The following OR52N4 variants were observed in gnomAD, a reference collection of about 807,000 sequenced individuals.
OR52N4 encodes the protein olfactory receptor family 52 subfamily N member 4.
In OR52N4, 15 loss-of-function variants were observed where a neutral mutation model predicts 15.0. That is an observed-to-expected ratio of 1.00 (90% CI 0.67 to 1.54). The LOEUF is 1.54. OR52N4 is among the 40% of genes most tolerant of loss of function. The pLI is 0.00. For missense variants in OR52N4, 421 were observed against 394.0 expected (o/e 1.07, Z -0.58); for synonymous variants, 143 against 143.7 (o/e 1.00, Z 0.03).
the OR52N4 span, chr11:5,737,050 C>A: frequency 2.7e-5 from 43 of 1,613,986 alleles, no homozygotes; most frequent in Non-Finnish European, 5.9e-6. Context: ...GTGATTATTG[C>A]TCCAAGAATG....
upstream of OR52N4, among the ~76,000 whole-genome samples, chr11:5,752,026 T>C (rs12364119): frequency 0.075 from 11,430 of 151,996 alleles, 600 homozygotes; most frequent in East Asian, 0.24. Flanking sequence ...ACCAAGGAGA[T>C]AGAGGTTTGC....
chr11:5,746,948 T>C, the OR52N4 span, among the ~76,000 whole-genome samples: 2 of 150,232 alleles, frequency 1.3e-5, no homozygotes, highest in South Asian at 2.1e-4. Flanking sequence ...AAATGTGAGA[T>C]AGGCTGGGCA....
At chr11:5,726,807 AG>A in the OR52N4 span, 2 of 154,518 alleles carry the variant, frequency 1.3e-5, no homozygotes, top group African/African-American at 4.8e-5. Context: ...TGCCTGGCAC[AG>A]ATGTTCTTCA....
chr11:5,739,039 T>C, the OR52N4 span, among the ~76,000 whole-genome samples: 8 of 127,470 alleles, frequency 6.3e-5, 1 homozygote, highest in Non-Finnish European at 1.2e-4. Flanking sequence ...AAAATGAAAA[T>C]AATATAATGT....
the OR52N4 span, chr11:5,736,782 A>G: frequency 1.2e-4 from 189 of 1,614,010 alleles, 1 homozygote; most frequent in East Asian, 3.9e-3. Flanking sequence ...ATCATCCCTA[A>G]GATCCTGGCC....
At chr11:5,754,377 C>A in intron 1 of OR52N4, 72 bp downstream of exon 1, 1 of 190,358 alleles carries the variant, frequency 5.3e-6, no homozygotes, top group Non-Finnish European at 1.1e-5. Flanking sequence ...GTAAGATATT[C>A]TAATAAAAAT....
At chr11:5,745,002 A>G in the OR52N4 span, among the ~76,000 whole-genome samples, 2 of 152,204 alleles carry the variant, frequency 1.3e-5, no homozygotes, top group African/African-American at 4.8e-5. Flanking sequence ...TCATCTCTTC[A>G]TGATAAAAAC....
At chr11:5,743,230 C>T in the OR52N4 span, among the ~76,000 whole-genome samples, 2 of 152,074 alleles carry the variant, frequency 1.3e-5, no homozygotes, top group African/African-American at 4.8e-5. Flanking sequence ...CAACCAGTTT[C>T]ACAAAACAAA....
the OR52N4 span, among the ~76,000 whole-genome samples, chr11:5,729,108 A>C: frequency 5.4e-4 from 63 of 117,658 alleles, 1 homozygote; most frequent in African/African-American, 2.0e-3. Context: ...TAATCCTTAA[A>C]TTGAGATTTT....
Position 5,755,866 on chromosome 11 carries a change from T to C in OR52N4, c.*160T>C, listed in dbSNP as rs12363545. 148,046 of 808,494 alleles carry C rather than the reference T, an allele frequency of 0.18. 13,916 individuals carry two copies. The highest frequency in any genetic ancestry group is 0.23 in the South Asian group (11,609 of 50,630). The allele number at this position is 808,494 out of a possible 1,614,324, so 50.1% of individuals were successfully genotyped here. A position where few individuals can be genotyped will look rare whatever the true frequency, so the allele number is the denominator to read the frequency against. On this transcript the variant is annotated 3_prime_UTR_variant, in exon 2 of 2. Coordinates refer to ENST00000641350, the MANE Select transcript of OR52N4 (RefSeq NM_001005175.5). ...AAGTACCTTGGGAATCTCAACATCA[T>C]TGGAAGGCCCACCAACATTTCTATA...
chr11:5,731,630 T>C, the OR52N4 span, among the ~76,000 whole-genome samples: 1 of 152,160 alleles, frequency 6.6e-6, no homozygotes, highest in Non-Finnish European at 1.5e-5. Context: ...CCTACCTACA[T>C]AGGCAAACAT....
the OR52N4 span, among the ~76,000 whole-genome samples, chr11:5,731,061 T>C: frequency 6.6e-6 from 1 of 152,146 alleles, no homozygotes; most frequent in Non-Finnish European, 1.5e-5. Flanking sequence ...ATCCCTTCCA[T>C]TCGTGTATAC....
At chr11:5,736,728 T>C in the OR52N4 span, 1 of 1,614,082 alleles carries the variant, frequency 6.2e-7, no homozygotes, top group Non-Finnish European at 8.5e-7. Context: ...ATGTATATTT[T>C]CCTTGGCATC....
the OR52N4 span, among the ~76,000 whole-genome samples, chr11:5,742,182 A>C: frequency 1.3e-5 from 2 of 152,046 alleles, no homozygotes; most frequent in Non-Finnish European, 2.9e-5. Flanking sequence ...GAAGGAAGGA[A>C]AATTTAAAAA....
chr11:5,747,631 G>T, the OR52N4 span, among the ~76,000 whole-genome samples: 1 of 151,884 alleles, frequency 6.6e-6, no homozygotes, highest in South Asian at 2.1e-4. Flanking sequence ...CCTAATAAAT[G>T]AGGCATTTCT....
chr11:5,741,453 C>G, the OR52N4 span, among the ~76,000 whole-genome samples: 1 of 152,182 alleles, frequency 6.6e-6, no homozygotes, highest in East Asian at 1.9e-4. Context: ...CTGAGTTGCC[C>G]TGGCAGTTGG....
At chr11:5,751,157 T>C (rs1854182817), upstream of OR52N4, among the ~76,000 whole-genome samples, 1 of 151,924 alleles carries the variant, frequency 6.6e-6, no homozygotes, top group South Asian at 2.1e-4. Context: ...AGTATTAGTA[T>C]ATCCTAAGTA....
chr11:5,731,116 G>C, the OR52N4 span, among the ~76,000 whole-genome samples: 2 of 152,148 alleles, frequency 1.3e-5, no homozygotes, highest in Admixed American at 1.3e-4. Context: ...AATTTGAAGA[G>C]CAATGAAAAC....
At chr11:5,752,594 C>T (rs1243134932), upstream of OR52N4, among the ~76,000 whole-genome samples, 1 of 152,170 alleles carries the variant, frequency 6.6e-6, no homozygotes, top group Non-Finnish European at 1.5e-5. Flanking sequence ...AATGTGGTAG[C>T]ATGTTTTAAC....
Sources: allele counts gnomAD v4.1 joint callset (sites outside exome capture counted in the v4.1 genomes callset), GRCh38; gene constraint gnomAD v4.1.1; transcripts MANE v1.5; gene names NCBI Gene and HGNC (gene_info 2026-07-23, HGNC 2026-07-21).